Variants in CSMD1 observed in about 807,000 individuals in gnomAD.
The protein encoded by CSMD1 is CUB and Sushi multiple domains 1.
In CSMD1, 213 loss-of-function variants were observed where a neutral mutation model predicts 417.5. The observed-to-expected ratio is 0.51, with a 90% CI of 0.46 to 0.57. CSMD1 has a LOEUF of 0.57. CSMD1 is among the 20% of genes least tolerant of loss of function. The pLI is 0.00. For synonymous variants in CSMD1, 2,862 were observed against 1,736.8 expected, an observed-to-expected ratio of 1.65 and a Z score of -16.11; for missense variants, 6,923 against 4,529.7, an observed-to-expected ratio of 1.53 and a Z score of -15.17.
chr8:4,296,696 G>GTTTTTTTTT (rs371696159), intron 3 of CSMD1, among the ~76,000 whole-genome samples: 73 of 114,852 alleles, frequency 6.4e-4, no homozygotes, highest in South Asian at 1.9e-3. Context: ...GAAAATAAGG[G>GTTTTTTTTT]TTTTTTTTTT....
At chr8:4,743,780 G>C (rs932577765) in intron 1 of CSMD1, among the ~76,000 whole-genome samples, 3 of 152,250 alleles carry the variant, frequency 2.0e-5, no homozygotes, top group African/African-American at 7.2e-5. Context: ...TATTACACTT[G>C]AGAGGCCTTC....
At chr8:4,288,854 T>A (rs1397585426) in intron 3 of CSMD1, among the ~76,000 whole-genome samples, 1 of 152,218 alleles carries the variant, frequency 6.6e-6, no homozygotes, top group African/African-American at 2.4e-5. Flanking sequence ...AGGATACCAG[T>A]ATGCTATGAA....
chr8:3,779,096 C>G (rs1421388153), intron 5 of CSMD1, among the ~76,000 whole-genome samples: 2 of 151,898 alleles, frequency 1.3e-5, no homozygotes, highest in Admixed American at 6.6e-5. Flanking sequence ...GGTTAAAAGA[C>G]TCCTAATGTC....
chr8:4,460,543 C>T (rs1010460132), intron 2 of CSMD1, among the ~76,000 whole-genome samples: 1 of 151,906 alleles, frequency 6.6e-6, no homozygotes, highest in Non-Finnish European at 1.5e-5. Flanking sequence ...TTTAAACCTT[C>T]TACAAAATTA....
At chr8:3,868,547 A>G (rs1805265109) in intron 5 of CSMD1, among the ~76,000 whole-genome samples, 1 of 152,120 alleles carries the variant, frequency 6.6e-6, no homozygotes, top group South Asian at 2.1e-4. Context: ...CTGCAGCCTG[A>G]ACCCTGTTCT....
chr8:3,907,557 C>CA (rs1808192700), intron 5 of CSMD1, among the ~76,000 whole-genome samples: 1 of 152,112 alleles, frequency 6.6e-6, no homozygotes, highest in South Asian at 2.1e-4. Context: ...ATGGCCCAGC[C>CA]AAGTGTGAGT....
At position 3,680,205 on chromosome 8, in the gene CSMD1, T is replaced by C. The variant is rs528744390; in HGVS notation, c.1009+28209A>G. Among the ~76,000 whole-genome samples, 12 of 151,400 alleles carry C rather than the reference T, an allele frequency of 7.9e-5. No homozygotes were observed. The East Asian group carries it at 1.2e-3, about 15-fold the overall frequency. On this transcript the variant is annotated intron_variant, in intron 7 of 69. Transcript: ENST00000635120. ...CAGATCAGAGCAGAAATGAAGGAGA[T>C]GGAGATACAAAAAAACCCTTCAAAA... is the stretch of plus-strand genomic sequence containing the variant.
chr8:4,006,255 A>G (rs570408402), intron 4 of CSMD1, among the ~76,000 whole-genome samples: 2 of 152,312 alleles, frequency 1.3e-5, no homozygotes, highest in South Asian at 4.1e-4. Context: ...AGGATCATTC[A>G]CCCACAGGAT....
At chr8:3,817,253 T>C (rs1008216888) in intron 5 of CSMD1, among the ~76,000 whole-genome samples, 1 of 9,266 alleles carries the variant, frequency 1.1e-4, no homozygotes, top group Admixed American at 6.1e-4. Flanking sequence ...CTTCTTCTTC[T>C]TTTTTTTTTT....
intron 2 of CSMD1, among the ~76,000 whole-genome samples, chr8:4,447,217 T>C (rs1025103962): frequency 1.2e-4 from 18 of 152,218 alleles, no homozygotes; most frequent in Non-Finnish European, 2.1e-4. Context: ...CAAATATACA[T>C]GACAAAGTTC....
chr8:3,602,516 C>A (rs974213532), intron 8 of CSMD1, among the ~76,000 whole-genome samples: 3 of 152,124 alleles, frequency 2.0e-5, no homozygotes, highest in African/African-American at 7.2e-5. Flanking sequence ...TTTTGCATAT[C>A]ACTGATGATG....
At chr8:3,270,555 A>C (rs747277599) in intron 26 of CSMD1, among the ~76,000 whole-genome samples, 2 of 152,236 alleles carry the variant, frequency 1.3e-5, no homozygotes, top group South Asian at 4.1e-4. Flanking sequence ...TCAAGAGTAA[A>C]AGAACTTTAT....
intron 2 of CSMD1, among the ~76,000 whole-genome samples, chr8:4,584,860 T>C (rs1364983144): frequency 1.3e-5 from 2 of 152,140 alleles, no homozygotes; most frequent in African/African-American, 4.8e-5. Context: ...CCAGCTTTTA[T>C]TTAGATTGGA....
chr8:4,015,011 G>C (rs139377207), intron 4 of CSMD1, among the ~76,000 whole-genome samples: 30 of 152,172 alleles, frequency 2.0e-4, no homozygotes, highest in African/African-American at 7.0e-4. Flanking sequence ...ACGTAGACCA[G>C]GTTTACTAGA....
At chr8:3,516,463 T>C (rs1468752801) in intron 10 of CSMD1, among the ~76,000 whole-genome samples, 1 of 152,134 alleles carries the variant, frequency 6.6e-6, no homozygotes, top group African/African-American at 2.4e-5. Flanking sequence ...GTCATTGGAG[T>C]TGCCACTTCA....
At chr8:3,879,388 A>G (rs769573326) in intron 5 of CSMD1, among the ~76,000 whole-genome samples, 2 of 152,184 alleles carry the variant, frequency 1.3e-5, no homozygotes, top group Non-Finnish European at 2.9e-5. Flanking sequence ...AAGTATTCAT[A>G]CACTGTAGCA....
At chr8:4,270,433 C>G (rs1011487771) in intron 3 of CSMD1, among the ~76,000 whole-genome samples, 1 of 152,096 alleles carries the variant, frequency 6.6e-6, no homozygotes, top group Non-Finnish European at 1.5e-5. Context: ...CTTTCTGAAA[C>G]CATCTATTTT....
At chr8:4,005,690 G>T (rs932265741) in intron 4 of CSMD1, among the ~76,000 whole-genome samples, 1 of 152,196 alleles carries the variant, frequency 6.6e-6, no homozygotes, top group Non-Finnish European at 1.5e-5. Flanking sequence ...TCAAACAACA[G>T]AAGAACTTTC....
At chr8:4,697,235 A>G (rs1807193093) in intron 1 of CSMD1, among the ~76,000 whole-genome samples, 1 of 152,158 alleles carries the variant, frequency 6.6e-6, no homozygotes, top group South Asian at 2.1e-4. Context: ...TGATTCTAGA[A>G]CAGAACCTTG....
Sources: allele counts gnomAD v4.1 joint callset (sites outside exome capture counted in the v4.1 genomes callset), GRCh38; gene constraint gnomAD v4.1.1; transcripts MANE v1.5; gene names NCBI Gene and HGNC (gene_info 2026-07-23, HGNC 2026-07-21).